The following COL12A1 variants were observed in gnomAD, a reference collection of about 807,000 sequenced individuals.
The protein encoded by COL12A1 is collagen type XII alpha 1 chain, also known as collagen alpha-1(XII) chain.
COL12A1 carries 114 observed loss-of-function variants against 349.7 expected under a neutral mutation model. The observed-to-expected ratio is 0.33, with a 90% CI of 0.28 to 0.38. The LOEUF (loss-of-function observed/expected upper bound fraction) is 0.38. Ranked by LOEUF, COL12A1 falls within the 10% of genes least tolerant of loss-of-function variation. The pLI, the probability that COL12A1 is intolerant of heterozygous loss-of-function variation, is 1.00. For synonymous variants in COL12A1, 1,369 were observed against 1,329.0 expected, an observed-to-expected ratio of 1.03 and a Z score of -0.66; for missense variants, 3,284 against 3,756.9, an observed-to-expected ratio of 0.87 and a Z score of 3.29.
intron 65 of COL12A1, among the ~76,000 whole-genome samples, chr6:75,086,993 C>T (rs1295219625): frequency 1.3e-5 from 2 of 152,108 alleles, no homozygotes; most frequent in African/African-American, 4.8e-5. Flanking sequence ...ATTGGCATAT[C>T]TACCCAGTCC....
intron 39 of COL12A1, among the ~76,000 whole-genome samples, chr6:75,125,604 A>C (rs1218304811): frequency 6.6e-6 from 1 of 152,112 alleles, no homozygotes; most frequent in Non-Finnish European, 1.5e-5. Flanking sequence ...GTAGGTGTCC[A>C]ACTGACACTT....
At chr6:75,116,135 A>G in intron 47 of COL12A1, 78 bp from the exon 48 acceptor site, 2 of 1,334,502 alleles carry the variant, frequency 1.5e-6, no homozygotes, top group Non-Finnish European at 1.1e-6. Context: ...GTAGCAATGA[A>G]CGTATTTCAA....
intron 26 of COL12A1, 128 bp from the exon 27 acceptor site, chr6:75,142,289 T>C: frequency 1.8e-6 from 2 of 1,084,874 alleles, no homozygotes; most frequent in Middle Eastern, 3.1e-4. Context: ...TGTTTTCCAA[T>C]ATACATGAGA....
At chr6:75,123,001 ACAGCG>A (rs1161454803) in intron 43 of COL12A1, among the ~76,000 whole-genome samples, 1 of 152,236 alleles carries the variant, frequency 6.6e-6, no homozygotes, top group Non-Finnish European at 1.5e-5. Flanking sequence ...AAAAGGGTTC[ACAGCG>A]CTTACTGATG....
rs996049914 is a variant in COL12A1 at position 75,085,352 on chromosome 6, G to C, written c.*1195C>G. On this transcript the variant is annotated 3_prime_UTR_variant, in exon 66 of 66. Coordinates refer to ENST00000322507, the MANE Select transcript of COL12A1 (RefSeq NM_004370.6). ...GCTCAGGCAGGTAGGCCCCGCCCTC[G>C]GGCACGTAAGGCTCTGTCCGATTCA... The C allele has an allele frequency of 2.3e-5, 11 of 470,820 alleles. No homozygotes were observed. The highest frequency in any genetic ancestry group is 2.2e-4 in the African/African-American group (11 of 50,022). The allele number at this position is 470,820 out of a possible 1,614,324, so 29.2% of individuals were successfully genotyped here.
chr6:75,137,542 A>G lies in COL12A1; in HGVS notation c.5289T>C (p.Asn1763=). 1.2e-6 allele frequency: 2 copies of G among 1,613,920 alleles called. No homozygotes were observed. Among genetic ancestry groups the G allele is most frequent in the Non-Finnish European group, 1.7e-6 (2 of 1,179,886 alleles). ...TAACAGTCAGGCTGTTAGATGTTGC[A>G]TTGTACACTTGAAGGTTTCGTGGGC... ...KSGPRNLQVY[N]ATSNSLTVKW... is the part of the protein sequence containing the mutation. The change falls in exon 31 of 66, where the codon AAT becomes AAC. Residue 1763 remains asparagine (N), a synonymous_variant. Transcript: ENST00000322507.
At position 75,123,375 on chromosome 6, in the gene COL12A1, G is replaced by T; in HGVS notation, c.6901C>A (p.Pro2301Thr). The change falls in exon 43 of 66, where the codon CCA (proline) becomes ACA (threonine). Residue 2301 changes from proline (P) to threonine (T), a missense_variant. Coordinates refer to ENST00000322507, the MANE Select transcript of COL12A1 (RefSeq NM_004370.6). ...GTGGGAGGGGGAGGAGGTGTGGGTG[G>T]CTCTGTAGGGGCTTCTGTTGGTTTC... ...TVKPTEAPTEPPTPPPPPTIP... is the reference protein window; with the variant it reads ...TVKPTEAPTETPTPPPPPTIP... 6.2e-7 allele frequency: 1 copy of T among 1,600,424 alleles called. No homozygotes were observed.
At chr6:75,129,521 G>A (rs1435740099) in intron 37 of COL12A1, among the ~76,000 whole-genome samples, 4 of 152,192 alleles carry the variant, frequency 2.6e-5, no homozygotes, top group Non-Finnish European at 4.4e-5. Flanking sequence ...TGAGGGCTAT[G>A]AGGAAGCTAC....
intron 5 of COL12A1, among the ~76,000 whole-genome samples, chr6:75,190,124 G>A (rs953512187): frequency 6.6e-6 from 1 of 151,912 alleles, no homozygotes. Flanking sequence ...AAGTATTCGT[G>A]CTATCAACCT....
chr6:75,175,038 C>T lies in COL12A1; in HGVS notation c.2710G>A (p.Glu904Lys). 6.2e-7 allele frequency: 1 copy of T among 1,613,730 alleles called. No individual in the cohort carries two copies. Among genetic ancestry groups the T allele is most frequent in the Non-Finnish European group, 8.5e-7 (1 of 1,179,862 alleles). ...TTTCAGAAAATATGATGGTAATTAC[C>T]TTCAAGTGTTGTTCCTTCACCAAAG... ...ALFGEGTTLEERGSPQDLVTK... is the reference protein window; with the variant it reads ...ALFGEGTTLEKRGSPQDLVTK... The change falls in exon 13 of 66, where the codon GAA becomes AAA. Residue 904 changes from glutamate (E) to lysine (K), a missense_variant and splice_region_variant. Glu to Lys is a moderately conservative substitution (Grantham distance 56). This residue lies in a region of COL12A1 where 2,601 missense variants were observed against 2,824.8 expected (regional missense o/e 0.92). Coordinates refer to ENST00000322507, the MANE Select transcript of COL12A1 (RefSeq NM_004370.6).
In COL12A1 at chr6:75,117,507, T is replaced by C; in HGVS notation, c.7394A>G (p.Tyr2465Cys). The change falls in exon 47 of 66, where the codon TAC becomes TGC. Residue 2465 changes from tyrosine (Y) to cysteine (C), a missense_variant. Physicochemically the swap from Tyr to Cys is radical, Grantham distance 194 (BLOSUM62 -2). This residue lies in a region of COL12A1 where 683 missense variants were observed against 932.1 expected (regional missense o/e 0.73). Transcript: ENST00000322507. ...GCTGGCAATGTTGGCAAGCTCATTG[T>C]AGTCGACATCAGCCACACCAACTAC... ...VFVVGVADVDYNELANIASKP... is the reference protein window; with the variant it reads ...VFVVGVADVDCNELANIASKP... 1.2e-6 allele frequency: 2 copies of C among 1,613,638 alleles called. No homozygotes were observed. The highest frequency in any genetic ancestry group is 1.7e-6 in the Non-Finnish European group (2 of 1,179,634).
intron 58 of COL12A1, among the ~76,000 whole-genome samples, chr6:75,097,973 A>C (rs1012587580): frequency 2.0e-5 from 3 of 152,182 alleles, no homozygotes; most frequent in Admixed American, 2.0e-4. Context: ...ATTTAATAGA[A>C]TATTTATAAT....
intron 38 of COL12A1, among the ~76,000 whole-genome samples, chr6:75,127,716 T>C (rs1766085659): frequency 6.6e-6 from 1 of 152,160 alleles, no homozygotes; most frequent in Non-Finnish European, 1.5e-5. Flanking sequence ...CAGGTGACTG[T>C]AGCAAGCAAC....
At chr6:75,143,607 G>A (rs1490877322) in intron 25 of COL12A1, among the ~76,000 whole-genome samples, 1 of 151,950 alleles carries the variant, frequency 6.6e-6, no homozygotes, top group Non-Finnish European at 1.5e-5. Context: ...TTAATTTTTT[G>A]TTATCACAAG....
rs191233787 is a variant in COL12A1, at chr6:75,132,038, G to T, written c.5839C>A (p.Pro1947Thr). 1.9e-4 allele frequency: 312 copies of T among 1,614,188 alleles called. 1 individual carries two copies. The Middle Eastern group carries it at 3.0e-3, about 15-fold the overall frequency. Residue 1947 changes from proline (P) to threonine (T), a missense_variant, in exon 35 of 66, where the codon CCT becomes ACT. By Grantham distance (38) the Pro-to-Thr change is conservative. Coordinates refer to ENST00000322507, the MANE Select transcript of COL12A1 (RefSeq NM_004370.6). ...TCCCAGCGAACATCGAGGCTGTTAG[G>T]TGTAGGATTGTATACTTGGACATTT... ...ARNVQVYNPT[P>T]NSLDVRWDPA... is the part of the protein sequence containing the mutation.
At position 75,177,928 on chromosome 6, in the gene COL12A1, T is replaced by A. The variant is rs1769054230; in HGVS notation, c.2172A>T (p.Gly724=). 1 of 1,593,504 alleles carries A rather than the reference T, an allele frequency of 6.3e-7. No homozygotes were observed. The highest frequency in any genetic ancestry group is 1.4e-5 in the African/African-American group (1 of 73,992). Residue 724 remains glycine (G), a synonymous_variant, in exon 12 of 66, where the codon GGA becomes GGT. Transcript: ENST00000322507. ...AGEETTEEVK[G]APRNLKVTDE... is the part of the protein sequence containing the mutation. ...CTGTCACCTTTAGGTTTCGAGGTGCTCCTTTTACTGAAATAAAAAAGGAAA... is the reference window on the plus strand; with the variant it reads ...CTGTCACCTTTAGGTTTCGAGGTGCACCTTTTACTGAAATAAAAAAGGAAA...
intron 31 of COL12A1, 115 bp from the exon 32 acceptor site, chr6:75,134,970 T>TTACATACCACAGTCAAGGTTTAACA: frequency 9.1e-7 from 1 of 1,101,976 alleles, no homozygotes; most frequent in Non-Finnish European, 1.3e-6. Context: ...AGTTCCAGAA[T>TTACATACCACAGTCAAGGTTTAACA]TACATACCAC....
In COL12A1 at chr6:75,085,210, G is replaced by T. The variant is rs1342844227; in HGVS notation, c.*1337C>A. ...CTGGTTCACTGCCCGGGTCCGTGGG[G>T]CAGGGCGCGCCGCCAGCGCCGGTGG... On this transcript the variant is annotated 3_prime_UTR_variant, in exon 66 of 66. Transcript: ENST00000322507. 2.6e-5 allele frequency: 12 copies of T among 468,150 alleles called. No individual in the cohort carries two copies. The Admixed American group carries it at 2.6e-4, about 10-fold the overall frequency. The allele number at this position is 468,150 out of a possible 1,614,324, so 29.0% of individuals were successfully genotyped here.
Position 75,125,853 on chromosome 6 carries a change from T to G in COL12A1, c.6460+498A>C, listed in dbSNP as rs1235772207. Among the ~76,000 whole-genome samples, 3 of 152,110 alleles carry G rather than the reference T, an allele frequency of 2.0e-5. No homozygotes were observed. In the East Asian group the frequency reaches 5.8e-4, roughly 29 times the overall value. On this transcript the variant is annotated intron_variant, in intron 39 of 65. Coordinates refer to ENST00000322507, the MANE Select transcript of COL12A1 (RefSeq NM_004370.6). Reference sequence around the variant, plus strand: ...AAGAAATCTGCATTTTTCTTCCAGTTTCTCTAAGAATACAGACAAAATATT... The same window carrying G: ...AAGAAATCTGCATTTTTCTTCCAGTGTCTCTAAGAATACAGACAAAATATT...
Sources: allele counts gnomAD v4.1 joint callset (sites outside exome capture counted in the v4.1 genomes callset), GRCh38; gene constraint gnomAD v4.1.1; regional missense constraint gnomAD v4.1.1; transcripts MANE v1.5; gene names NCBI Gene and HGNC (gene_info 2026-07-23, HGNC 2026-07-21).